CATSPERD: variants seen among roughly 807,000 people sequenced by gnomAD.
CATSPERD encodes catsper channel auxiliary subunit delta, also known as cation channel sperm-associated auxiliary subunit delta.
CATSPERD carries 86 observed loss-of-function variants against 98.1 expected under a neutral mutation model. The ratio of observed to expected loss-of-function variants is 0.88; its 90% CI spans 0.74 to 1.05. The LOEUF is 1.05. Ranked by LOEUF, CATSPERD falls within the 50% of genes least tolerant of loss-of-function variation. The pLI is 0.00. For missense variants in CATSPERD, 995 were observed against 1,005.7 expected (o/e 0.99, Z 0.14); for synonymous variants, 394 against 390.2 (o/e 1.01, Z -0.12).
At chr19:5,764,440 C>T (rs2056501880) in intron 16 of CATSPERD, among the ~76,000 whole-genome samples, 3 of 151,794 alleles carry the variant, frequency 2.0e-5, no homozygotes, top group Admixed American at 6.6e-5. Flanking sequence ...CTCAGCCTCC[C>T]GTGTAGCTGG....
intron 5 of CATSPERD, among the ~76,000 whole-genome samples, chr19:5,735,727 C>T (rs903852533): frequency 1.3e-5 from 2 of 151,716 alleles, no homozygotes; most frequent in Non-Finnish European, 2.9e-5. Flanking sequence ...GTCACCTCGG[C>T]CTCCCAAAGT....
intron 4 of CATSPERD, among the ~76,000 whole-genome samples, chr19:5,730,932 C>T (rs1369660209): frequency 4.0e-5 from 6 of 151,724 alleles, no homozygotes; most frequent in East Asian, 1.9e-4. Flanking sequence ...ACTTGGGAGG[C>T]GGAGCTTGCA....
rs1599511649 is a variant in CATSPERD at position 5,730,005 on chromosome 19, C to T, written c.276+61C>T. 15 of 1,000,582 alleles carry T rather than the reference C, an allele frequency of 1.5e-5. No individual in the cohort carries two copies. In the East Asian group the frequency reaches 3.7e-4, roughly 25 times the overall value. The allele number at this position is 1,000,582 out of a possible 1,614,324, so 62.0% of individuals were successfully genotyped here. ...TATAAGTAATATTTGGGGGAAAATACAGTTCAGAAATATCAGACTGGTCTG... is the reference window on the plus strand; with the variant it reads ...TATAAGTAATATTTGGGGGAAAATATAGTTCAGAAATATCAGACTGGTCTG... On this transcript the variant is annotated intron_variant, in intron 4 of 21. Coordinates refer to ENST00000381624, the MANE Select transcript of CATSPERD (RefSeq NM_152784.4).
intron 7 of CATSPERD, among the ~76,000 whole-genome samples, chr19:5,742,329 C>T (rs1184029211): frequency 8.5e-6 from 1 of 118,290 alleles, no homozygotes; most frequent in Non-Finnish European, 2.0e-5. Context: ...TGTGCGTGTG[C>T]ATGTGTGTAC....
chr19:5,754,921 T>C (rs2056297877), intron 13 of CATSPERD, among the ~76,000 whole-genome samples: 1 of 151,098 alleles, frequency 6.6e-6, no homozygotes, highest in African/African-American at 2.4e-5. Flanking sequence ...CTCGGCTCAC[T>C]GTAACCTCTG....
intron 13 of CATSPERD, among the ~76,000 whole-genome samples, chr19:5,757,460 G>A (rs1162221804): frequency 6.6e-6 from 1 of 151,548 alleles, no homozygotes; most frequent in African/African-American, 2.4e-5. Context: ...ACCATGCCTG[G>A]CTAATTTTGT....
At chr19:5,766,226 A>G (rs1337642948) in intron 17 of CATSPERD, 71 bp downstream of exon 17, 20 of 1,326,976 alleles carry the variant, frequency 1.5e-5, no homozygotes, top group Admixed American at 1.9e-5. Context: ...CGAGGTGGGC[A>G]GATCACTTCA....
Position 5,778,651 on chromosome 19 carries a change from C to T in CATSPERD, c.2372C>T (p.Pro791Leu). Residue 791 changes from proline to leucine, a missense_variant, in exon 22 of 22, where the codon CCT becomes CTT. By Grantham distance (98) the Pro-to-Leu change is moderately conservative. Transcript: ENST00000381624. ...GAGCCCCCGGGACGCCACCGCACTCCTCACGGAGGCAGGTCTGACCACTGA... is the reference window on the plus strand; with the variant it reads ...GAGCCCCCGGGACGCCACCGCACTCTTCACGGAGGCAGGTCTGACCACTGA... Reference protein sequence around the residue: ...GTEPPGRHRTPHGGRSDH With the variant: ...GTEPPGRHRTLHGGRSDH The T allele has an allele frequency of 6.2e-7, 1 of 1,613,348 alleles. No individual in the cohort carries two copies. The highest frequency in any genetic ancestry group is 8.5e-7 in the Non-Finnish European group (1 of 1,179,926).
chr19:5,759,282 C>G (rs1294568360), intron 15 of CATSPERD, 138 bp downstream of exon 15: 3 of 834,880 alleles, frequency 3.6e-6, no homozygotes, highest in East Asian at 5.1e-5. Flanking sequence ...TTTACAAGAG[C>G]TGGGCGCGGT....
chr19:5,731,036 G>A (rs1376955471), intron 4 of CATSPERD, among the ~76,000 whole-genome samples: 1 of 149,966 alleles, frequency 6.7e-6, no homozygotes, highest in Non-Finnish European at 1.5e-5. Flanking sequence ...AGCTTGTAGT[G>A]AGCCGTGATC....
chr19:5,744,609 A>T (rs1162885617), intron 8 of CATSPERD, 99 bp downstream of exon 8: 1 of 819,420 alleles, frequency 1.2e-6, no homozygotes, highest in Non-Finnish European at 1.8e-6. Context: ...TTATTTATTT[A>T]ATTTTTTTTT....
At chr19:5,770,103 AAAG>A (rs1055657506) in intron 18 of CATSPERD, among the ~76,000 whole-genome samples, 1 of 150,076 alleles carries the variant, frequency 6.7e-6, no homozygotes, top group African/African-American at 2.5e-5. Context: ...AAAAAAAAAA[AAAG>A]TAATTACGGT....
rs773518485 is a variant in CATSPERD, at chr19:5,746,016, T to C, written c.761T>C (p.Ile254Thr). ...CTCATCGCCCCCGGCCAGAGAGGCA[T>C]CCTGCTCCTATGGTTTGAGAACAGC... ...DILIAPGQRG[I>T]LLLWFENSLL... The change falls in exon 9 of 22, where the codon ATC (isoleucine) becomes ACC (threonine). Residue 254 changes from isoleucine (I) to threonine (T), a missense_variant. Physicochemically the swap from Ile to Thr is moderately conservative, Grantham distance 89. Around this residue, in one of 3 missense-constraint regions of CATSPERD, gnomAD observed 762 missense variants for 773.7 expected, o/e 0.98. Transcript: ENST00000381624. The C allele has an allele frequency of 1.2e-6, 2 of 1,614,150 alleles. No homozygotes were observed. The highest frequency in any genetic ancestry group is 2.2e-5 in the South Asian group (2 of 91,078).
chr19:5,776,415 T>C (rs2056743800), intron 21 of CATSPERD, 100 bp downstream of exon 21: 1 of 1,363,418 alleles, frequency 7.3e-7, no homozygotes. Flanking sequence ...AAACCTGAAT[T>C]CCCCCAACAG....
At chr19:5,757,374 C>T (rs572008925) in intron 13 of CATSPERD, among the ~76,000 whole-genome samples, 3 of 150,458 alleles carry the variant, frequency 2.0e-5, no homozygotes, top group South Asian at 2.1e-4. Flanking sequence ...CTCAGCTCAC[C>T]GCAACTTTTG....
At chr19:5,760,323 C>T (rs149770256) in intron 15 of CATSPERD, among the ~76,000 whole-genome samples, 2,862 of 150,656 alleles carry the variant, frequency 0.019, 75 homozygotes, top group African/African-American at 0.064. Context: ...CGCTTGAACC[C>T]GGGAGGCAGA....
At chr19:5,768,616 A>G (rs963820707) in intron 18 of CATSPERD, among the ~76,000 whole-genome samples, 3 of 151,620 alleles carry the variant, frequency 2.0e-5, no homozygotes, top group Admixed American at 6.6e-5. Context: ...GATTACAGGC[A>G]TGAGCCACCG....
intron 11 of CATSPERD, 65 bp downstream of exon 11, chr19:5,749,248 T>C: frequency 8.3e-7 from 1 of 1,198,780 alleles, no homozygotes; most frequent in Non-Finnish European, 1.2e-6. Flanking sequence ...TCCCAGCACT[T>C]TGGGAGGCTG....
At position 5,742,322 on chromosome 19, in the gene CATSPERD, G is replaced by A. The variant is rs370367339; in HGVS notation, c.574-2105G>A. ...CGTATGTGAATGTGTGTGTGGGTGT[G>A]CGTGTGCATGTGTGTACATGTGTGT... On this transcript the variant is annotated intron_variant, in intron 7 of 21. Coordinates refer to ENST00000381624, the MANE Select transcript of CATSPERD (RefSeq NM_152784.4). 5.4e-5 allele frequency among the ~76,000 whole-genome samples: 7 copies of A among 129,720 alleles called. No homozygotes were observed. The South Asian group carries it at 1.2e-3, about 22-fold the overall frequency. 85.1% of individuals were successfully genotyped at this position (129,720 alleles called of 152,430 possible).
Sources: gnomAD v4.1 joint callset for allele counts (sites outside exome capture counted in the v4.1 genomes callset) on GRCh38, gnomAD v4.1.1 for gene constraint, gnomAD v4.1.1 regional missense constraint, MANE v1.5 for transcripts, NCBI Gene and HGNC (gene_info 2026-07-23, HGNC 2026-07-21) for gene names.